ARFGEF3: variants seen among roughly 807,000 people sequenced by gnomAD.
ARFGEF3 encodes brefeldin A-inhibited guanine nucleotide-exchange protein 3.
Under a neutral mutation model 221.7 loss-of-function variants are expected in ARFGEF3, and 96 were observed. The observed-to-expected ratio is 0.43, with a 90% CI of 0.37 to 0.51. The LOEUF (loss-of-function observed/expected upper bound fraction) is 0.51, where lower values mean the gene tolerates loss of function less well. Among genes scored for constraint, ARFGEF3 ranks in the 20% least tolerant of loss-of-function variants. ARFGEF3 has a pLI of 0.00. For missense variants in ARFGEF3, 2,410 were observed against 2,789.9 expected (o/e 0.86, Z 3.07); for synonymous variants, 1,145 against 1,126.8 (o/e 1.02, Z -0.32).
At chr6:138,274,326 C>T (rs903085150) in intron 12 of ARFGEF3, among the ~76,000 whole-genome samples, 1 of 152,088 alleles carries the variant, frequency 6.6e-6, no homozygotes, top group Non-Finnish European at 1.5e-5. Flanking sequence ...TTCTGTTTTA[C>T]CATGGAAGGA....
At chr6:138,266,372 G>A (rs142097818) in intron 12 of ARFGEF3, among the ~76,000 whole-genome samples, 7 of 152,212 alleles carry the variant, frequency 4.6e-5, no homozygotes, top group Admixed American at 2.0e-4. Context: ...AGGGAAAAGG[G>A]AAAGGAGAAG....
rs573053747 is a variant in ARFGEF3, at chr6:138,261,414, A to AGGAGAAAC, written c.1105-113_1105-112insGGAGAAAC. ...GTTCCAAATAATTCTGTTTCTCCTT[A>AGGAGAAAC]TACTATATCACTCAGTAGGGAAAGT... On this transcript the variant is annotated intron_variant, in intron 10 of 33. Coordinates refer to ENST00000251691, the MANE Select transcript of ARFGEF3 (RefSeq NM_020340.5). The AGGAGAAAC allele has an allele frequency of 4.8e-4, 290 of 598,490 alleles. 1 individual carries two copies. In the African/African-American group the frequency reaches 5.0e-3, roughly 10 times the overall value. 37.1% of individuals were successfully genotyped at this position (598,490 alleles called of 1,614,324 possible). A position where few individuals can be genotyped will look rare whatever the true frequency, so the allele number is the denominator to read the frequency against.
chr6:138,175,455 C>T (rs1379926878), intron 2 of ARFGEF3, among the ~76,000 whole-genome samples: 1 of 152,136 alleles, frequency 6.6e-6, no homozygotes, highest in African/African-American at 2.4e-5. Context: ...AATTAGTGGG[C>T]TACTCAGGTA....
chr6:138,218,628 G>A (rs991851868), intron 4 of ARFGEF3: 4 of 788,184 alleles, frequency 5.1e-6, no homozygotes, highest in Admixed American at 3.9e-5. Flanking sequence ...TGTTTCAGAT[G>A]TAGAGAATCA....
At position 138,293,993 on chromosome 6, in the gene ARFGEF3, G is replaced by T. The variant is rs755891726; in HGVS notation, c.3369G>T (p.Arg1123Ser). ...VVLTLSTQAD[R>S]LFEDATDKLN... ...CACATCTCTTTCTGTTTGCATCCAG[G>T]CTCTTTGAAGATGCTACGGATAAGT... Residue 1123 changes from arginine to serine, a missense_variant and splice_region_variant, in exon 20 of 34, where the codon AGG becomes AGT. Physicochemically the swap from Arg to Ser is moderately radical, Grantham distance 110. Transcript: ENST00000251691. 21 of 1,612,796 alleles carry T rather than the reference G, an allele frequency of 1.3e-5. No homozygotes were observed. The highest frequency in any genetic ancestry group is 1.8e-5 in the Non-Finnish European group (21 of 1,179,620).
chr6:138,291,670 G>T lies in ARFGEF3; in HGVS notation c.3048-63G>T. 6 of 1,190,684 alleles carry T rather than the reference G, an allele frequency of 5.0e-6. No individual in the cohort carries two copies. Among genetic ancestry groups the T allele is most frequent in the Non-Finnish European group, 6.5e-6 (6 of 919,550 alleles). 73.8% of individuals were successfully genotyped at this position (1,190,684 alleles called of 1,614,324 possible). A position where few individuals can be genotyped will look rare whatever the true frequency, so the allele number is the denominator to read the frequency against. On this transcript the variant is annotated intron_variant, in intron 18 of 33. Coordinates refer to ENST00000251691, the MANE Select transcript of ARFGEF3 (RefSeq NM_020340.5). This position sits in a 1 kb window ranked among gnomAD's most constrained non-coding sequence, Gnocchi z 4.5. ...GCATTTCCTTTGTCTGGCACTGTGGGGTTTATGGAGCTGCCGGGGTGAGCT... is the reference window on the plus strand; with the variant it reads ...GCATTTCCTTTGTCTGGCACTGTGGTGTTTATGGAGCTGCCGGGGTGAGCT...
At chr6:138,312,083 G>A (rs1291269802) in intron 25 of ARFGEF3, among the ~76,000 whole-genome samples, 2 of 152,134 alleles carry the variant, frequency 1.3e-5, no homozygotes, top group African/African-American at 4.8e-5. Flanking sequence ...TTCAACCCAG[G>A]AGGTGTAGGT....
intron 10 of ARFGEF3, 76 bp from the exon 11 acceptor site, chr6:138,261,451 T>C (rs1338974397): frequency 3.7e-6 from 3 of 821,848 alleles, no homozygotes; most frequent in Non-Finnish European, 5.8e-6. Context: ...CATGTTTTTT[T>C]GATCTCACAA....
At chr6:138,218,393 C>G (rs377341385) in intron 4 of ARFGEF3, 187 of 1,535,004 alleles carry the variant, frequency 1.2e-4, no homozygotes, top group Middle Eastern at 1.7e-4. Context: ...AGAAGGCCCT[C>G]ATATTTACTA....
chr6:138,225,180 AC>A (rs1276525412), intron 4 of ARFGEF3, among the ~76,000 whole-genome samples: 5 of 152,180 alleles, frequency 3.3e-5, no homozygotes, highest in African/African-American at 1.2e-4. Context: ...TCTCTCTCTG[AC>A]TTCCAATTTG....
Position 138,323,674 on chromosome 6 carries a change from C to T in ARFGEF3, c.4770C>T (p.Tyr1590=), listed in dbSNP as rs372436028. The change falls in exon 30 of 34, where the codon TAC becomes TAT. Residue 1590 remains tyrosine (Y), a synonymous_variant. Transcript: ENST00000251691. ...CTTTACTTGTTTCTTTTGGCAGATA[C>T]GTCCTTGTGACAGCGGGCCCTGTGT... is the stretch of plus-strand genomic sequence containing the variant. ...ISRVGCSCIR[Y]VLVTAGPVFT... 83 of 1,613,274 alleles carry T rather than the reference C, an allele frequency of 5.1e-5. 1 individual carries two copies. The highest frequency in any genetic ancestry group is 1.5e-4 in the South Asian group (14 of 91,000).
chr6:138,336,524 T>G lies in ARFGEF3; in HGVS notation c.*38T>G, dbSNP rs1583074231. 6.5e-7 allele frequency: 1 copy of G among 1,545,864 alleles called. No homozygotes were observed. Among genetic ancestry groups the G allele is most frequent in the Non-Finnish European group, 8.8e-7 (1 of 1,137,674 alleles). The stretch of plus-strand genomic sequence containing the variant: ...CTACTCTCCCACCAAATAACAGTAG[T>G]GAGGGTTAGAGTCCTGCCAATACAG... On this transcript the variant is annotated 3_prime_UTR_variant, in exon 34 of 34. Transcript: ENST00000251691.
chr6:138,203,419 A>C lies in ARFGEF3; in HGVS notation c.138-3623A>C, dbSNP rs921018715. Among the ~76,000 whole-genome samples the C allele has an allele frequency of 9.8e-5, 15 of 152,330 alleles. 1 individual carries two copies. The highest frequency in any genetic ancestry group is 2.6e-4 in the Admixed American group (4 of 15,304). On this transcript the variant is annotated intron_variant, in intron 2 of 33. Coordinates refer to ENST00000251691, the MANE Select transcript of ARFGEF3 (RefSeq NM_020340.5). ...GAAAGTTAAGATGAGATAAATAATAAGTGCTAATCTTCATTTTTCTTTCTT... is the reference window on the plus strand; with the variant it reads ...GAAAGTTAAGATGAGATAAATAATACGTGCTAATCTTCATTTTTCTTTCTT...
At chr6:138,260,381 G>A (rs567009167) in intron 10 of ARFGEF3, among the ~76,000 whole-genome samples, 34 of 152,298 alleles carry the variant, frequency 2.2e-4, no homozygotes, top group African/African-American at 5.8e-4. Flanking sequence ...ACGCTAGGAC[G>A]TCTACTGCAG....
intron 33 of ARFGEF3, 29 bp from the exon 34 acceptor site, chr6:138,336,266 C>A (rs1195132997): frequency 4.4e-5 from 65 of 1,464,830 alleles, no homozygotes; most frequent in Non-Finnish European, 5.9e-5. Context: ...GGGGGAAAGC[C>A]ACTGATTTTC....
intron 4 of ARFGEF3, among the ~76,000 whole-genome samples, chr6:138,213,865 T>A (rs1203517858): frequency 6.6e-6 from 1 of 152,200 alleles, no homozygotes; most frequent in African/African-American, 2.4e-5. Flanking sequence ...ACAAGATAAC[T>A]ATACTTTGGG....
At position 138,180,769 on chromosome 6, in the gene ARFGEF3, A is replaced by AGAG. The variant is rs370126820; in HGVS notation, c.137+10060_137+10062dup. Reference sequence around the variant, plus strand: ...TTGTAAGTGAGCAAGGGCTTGTTCTAGAGGAGAACTGAACTTTTCTAGCTT... The same window carrying AGAG: ...TTGTAAGTGAGCAAGGGCTTGTTCTAGAGGAGGAGAACTGAACTTTTCTAGCTT... On this transcript the variant is annotated intron_variant, in intron 2 of 33. Transcript: ENST00000251691. 2.9e-3 allele frequency among the ~76,000 whole-genome samples: 445 copies of AGAG among 152,306 alleles called. 4 individuals carry two copies. Among genetic ancestry groups the AGAG allele is most frequent in the Middle Eastern group, 0.027 (8 of 294 alleles).
intron 2 of ARFGEF3, among the ~76,000 whole-genome samples, chr6:138,181,579 A>G (rs901335584): frequency 1.4e-4 from 21 of 152,124 alleles, no homozygotes; most frequent in African/African-American, 5.1e-4. Context: ...GAGTAGCTGG[A>G]GTTACAGGCA....
chr6:138,296,212 G>T (rs1188041999), intron 20 of ARFGEF3, among the ~76,000 whole-genome samples: 1 of 152,196 alleles, frequency 6.6e-6, no homozygotes, highest in Admixed American at 6.5e-5. Context: ...TTACTGAGCA[G>T]CAGGGGGACC....
Sources: allele counts gnomAD v4.1 joint callset (sites outside exome capture counted in the v4.1 genomes callset), GRCh38; gene constraint gnomAD v4.1.1; non-coding constraint Gnocchi (gnomAD v3.1); transcripts MANE v1.5; gene names NCBI Gene and HGNC (gene_info 2026-07-23, HGNC 2026-07-21).